PPP2R2C: variants seen among roughly 807,000 people sequenced by gnomAD.
PPP2R2C encodes protein phosphatase 2 regulatory subunit Bgamma, also known as protein phosphatase 2, regulatory subunit B, gamma.
Under a neutral mutation model 45.3 loss-of-function variants are expected in PPP2R2C, and 10 were observed. The ratio of observed to expected loss-of-function variants is 0.22; its 90% CI spans 0.14 to 0.37. PPP2R2C has a LOEUF of 0.37. PPP2R2C is among the 10% of genes least tolerant of loss of function. The pLI, the probability that PPP2R2C is intolerant of heterozygous loss-of-function variation, is 1.00. For missense variants in PPP2R2C, 308 were observed against 619.7 expected (o/e 0.50, Z 5.34); for synonymous variants, 257 against 245.4 (o/e 1.05, Z -0.44).
intron 2 of PPP2R2C, among the ~76,000 whole-genome samples, chr4:6,493,029 C>T (rs544616428): frequency 5.3e-5 from 8 of 152,284 alleles, no homozygotes; most frequent in Admixed American, 5.2e-4. Flanking sequence ...TCCAGCTCAA[C>T]ATGCATACCC....
chr4:6,335,051 C>A (rs1004101540), intron 6 of PPP2R2C, among the ~76,000 whole-genome samples: 12 of 152,246 alleles, frequency 7.9e-5, no homozygotes, highest in African/African-American at 2.7e-4. Flanking sequence ...GCAGGGCCCA[C>A]TGGATGCCCT....
chr4:6,329,372 A>G lies in PPP2R2C; in HGVS notation c.961-19T>C. On this transcript the variant is annotated intron_variant, in intron 7 of 8. Coordinates refer to ENST00000382599, the MANE Select transcript of PPP2R2C (RefSeq NM_020416.4). The surrounding 1 kb of genome is among the most constrained non-coding windows in gnomAD (Gnocchi z 5.8). The stretch of plus-strand genomic sequence containing the variant: ...CATGGACCTGGTGGGATAAGGGATG[A>G]GGTGAGTGGACGGGGCGTCCCGACC... The G allele has an allele frequency of 6.9e-6, 11 of 1,604,814 alleles. No homozygotes were observed. The highest frequency in any genetic ancestry group is 9.4e-6 in the Non-Finnish European group (11 of 1,171,564).
intron 6 of PPP2R2C, among the ~76,000 whole-genome samples, chr4:6,343,088 A>T (rs560347110): frequency 6.6e-6 from 1 of 152,220 alleles, no homozygotes; most frequent in Non-Finnish European, 1.5e-5. Context: ...AATCCCTTTT[A>T]AAAAATTAGC....
At chr4:6,414,072 GTGTA>G (rs3138737) in intron 1 of PPP2R2C, 71,896 of 1,123,772 alleles carry the variant, frequency 0.064, 7,348 homozygotes, top group Admixed American at 0.21. Context: ...AGTTTTGCCT[GTGTA>G]TGTGTGTGTG....
chr4:6,334,735 C>A (rs6828983), intron 6 of PPP2R2C, among the ~76,000 whole-genome samples: 85,313 of 151,970 alleles, frequency 0.56, 24,335 homozygotes, highest in Middle Eastern at 0.66. Context: ...ATACCTAAAC[C>A]TATGACAACC....
At position 6,511,000 on chromosome 4, in the gene PPP2R2C, A is replaced by AAC. The variant is rs1295930394; in HGVS notation, c.49+24270_49+24271insGT. ...TCAAACAAAAAAAAACAAACAAACA[A>AAC]AAAAAAAAACAGAAAATGTTTGTTG... On this transcript the variant is annotated intron_variant, in intron 2 of 9. Transcript: ENST00000506140. Among the ~76,000 whole-genome samples, 17 of 150,066 alleles carry AAC rather than the reference A, an allele frequency of 1.1e-4. 1 individual carries two copies. The highest frequency in any genetic ancestry group is 4.3e-4 in the African/African-American group (17 of 39,924).
At position 6,413,509 on chromosome 4, in the gene PPP2R2C, C is replaced by T. The variant is rs77315147; in HGVS notation, c.71-32415G>A. 9.2e-5 allele frequency among the ~76,000 whole-genome samples: 14 copies of T among 152,336 alleles called. No individual in the cohort carries two copies. The East Asian group carries it at 2.7e-3, about 29-fold the overall frequency. ...TTAGTGAGCCCAACACAACCCATCT[C>T]AGCCGGTAATTAAACCTGCCGGGCA... On this transcript the variant is annotated intron_variant, in intron 1 of 8. Transcript: ENST00000382599.
intron 1 of PPP2R2C, among the ~76,000 whole-genome samples, chr4:6,554,965 AAGAGAAAGAAAGAAAAGAG>A (rs1245509031): frequency 2.4e-5 from 3 of 126,840 alleles, no homozygotes. Flanking sequence ...GAAAGAAAGA[AAGAGAAAGAAAGAAAAGAG>A]AAGAGAAGAG....
chr4:6,370,222 C>A (rs907204328), intron 5 of PPP2R2C, among the ~76,000 whole-genome samples: 15 of 152,246 alleles, frequency 9.9e-5, no homozygotes, highest in African/African-American at 3.6e-4. Flanking sequence ...CCCCTGCCAA[C>A]TGGGGACTCT....
intron 1 of PPP2R2C, chr4:6,421,083 G>C: frequency 1.0e-6 from 1 of 985,234 alleles, no homozygotes. Flanking sequence ...GAAGTGGAGA[G>C]GCCACACCTT....
Position 6,378,134 on chromosome 4 carries a change from C to T in PPP2R2C, c.334+273G>A, listed in dbSNP as rs941828333. Among the ~76,000 whole-genome samples, 1 of 152,058 alleles carries T rather than the reference C, an allele frequency of 6.6e-6. No homozygotes were observed. Among genetic ancestry groups the T allele is most frequent in the Non-Finnish European group, 1.5e-5 (1 of 68,004 alleles). On this transcript the variant is annotated intron_variant, in intron 3 of 8. Transcript: ENST00000382599. This position sits in a 1 kb window ranked among gnomAD's most constrained non-coding sequence, Gnocchi z 5.2. Reference sequence around the variant, plus strand: ...AGCAGGGGGCAGCCCTGTGTCTGGCCATGGGGAGCTTCTGAGAGGGTCTGG... The same window carrying T: ...AGCAGGGGGCAGCCCTGTGTCTGGCTATGGGGAGCTTCTGAGAGGGTCTGG...
intron 1 of PPP2R2C, among the ~76,000 whole-genome samples, chr4:6,395,824 G>A (rs1432610217): frequency 6.6e-6 from 1 of 152,166 alleles, no homozygotes; most frequent in East Asian, 1.9e-4. Flanking sequence ...CTGGCAAGGA[G>A]CATCCTGGTA....
chr4:6,504,344 A>G (rs1723153605), intron 2 of PPP2R2C, among the ~76,000 whole-genome samples: 1 of 152,236 alleles, frequency 6.6e-6, no homozygotes, highest in African/African-American at 2.4e-5. Flanking sequence ...ATAACAAAAA[A>G]ACAATACTCT....
chr4:6,399,857 A>C lies in PPP2R2C; in HGVS notation c.71-18763T>G, dbSNP rs143085093. 3.9e-5 allele frequency among the ~76,000 whole-genome samples: 6 copies of C among 152,374 alleles called. No homozygotes were observed. The East Asian group carries it at 1.2e-3, about 29-fold the overall frequency. On this transcript the variant is annotated intron_variant, in intron 1 of 8. Coordinates refer to ENST00000382599, the MANE Select transcript of PPP2R2C (RefSeq NM_020416.4). ...TGCAGAACGTCCAGTCCAGCTGGAC[A>C]AGGGAAGTCTGTGGCTGATTGAAAC...
intron 1 of PPP2R2C, among the ~76,000 whole-genome samples, chr4:6,540,231 C>T (rs1244734923): frequency 2.0e-5 from 3 of 152,218 alleles, no homozygotes; most frequent in African/African-American, 7.2e-5. Context: ...CCCCAAGCCC[C>T]TAGCCCCTGG....
intron 1 of PPP2R2C, among the ~76,000 whole-genome samples, chr4:6,461,177 T>C (rs563488295): frequency 6.6e-6 from 1 of 152,108 alleles, no homozygotes; most frequent in Non-Finnish European, 1.5e-5. Flanking sequence ...ACCGCATGAC[T>C]CTGGACTCTG....
intron 1 of PPP2R2C, among the ~76,000 whole-genome samples, chr4:6,429,092 CATGCCATGTGT>C (rs1719482831): frequency 8.5e-4 from 1 of 1,182 alleles, no homozygotes; most frequent in Admixed American, 0.014. Context: ...TGTGTAGATA[CATGCCATGTGT>C]AGATACATGG....
intron 2 of PPP2R2C, among the ~76,000 whole-genome samples, chr4:6,523,122 G>A (rs975684701): frequency 6.6e-6 from 1 of 152,216 alleles, no homozygotes; most frequent in Non-Finnish European, 1.5e-5. Flanking sequence ...GTGTCCTGTT[G>A]AGAACCATGT....
At chr4:6,380,886 C>T (rs908481568) in intron 2 of PPP2R2C, 111 bp downstream of exon 2, 1 of 1,421,086 alleles carries the variant, frequency 7.0e-7, no homozygotes, top group Middle Eastern at 2.6e-4. Flanking sequence ...TCCCACCTCT[C>T]ACCGCATCAC....
Sources: allele counts gnomAD v4.1 joint callset (sites outside exome capture counted in the v4.1 genomes callset), GRCh38; gene constraint gnomAD v4.1.1; non-coding constraint Gnocchi (gnomAD v3.1); transcripts MANE v1.5; gene names NCBI Gene and HGNC (gene_info 2026-07-23, HGNC 2026-07-21).